Variants in CAMTA2 observed in about 807,000 individuals in gnomAD.
CAMTA2 encodes the protein calmodulin-binding transcription activator 2.
Under a neutral mutation model 135.7 loss-of-function variants are expected in CAMTA2, and 56 were observed. The observed-to-expected ratio is 0.41, with a 90% CI of 0.33 to 0.52. The LOEUF (loss-of-function observed/expected upper bound fraction) is 0.52. Among genes scored for constraint, CAMTA2 ranks in the 20% least tolerant of loss-of-function variants. The probability of loss-of-function intolerance (pLI) is 0.16; values close to 1 mark genes in which losing one functional copy is unlikely to be tolerated. For missense variants in CAMTA2, 1,358 were observed against 1,553.4 expected, an observed-to-expected ratio of 0.87 and a Z score of 2.11; for synonymous variants, 591 against 604.6, an observed-to-expected ratio of 0.98 and a Z score of 0.33.
intron 4 of CAMTA2, 25 bp downstream of exon 4, chr17:4,982,951 C>A: frequency 6.2e-7 from 1 of 1,614,062 alleles, no homozygotes; most frequent in East Asian, 2.2e-5. Context: ...CCCTGCCACT[C>A]CCCCATGTTC....
intron 17 of CAMTA2, 98 bp from the exon 18 acceptor site, chr17:4,970,183 TGGA>T (rs756186899): frequency 7.0e-6 from 10 of 1,424,448 alleles, no homozygotes; most frequent in Non-Finnish European, 9.8e-6. Context: ...CAACTGAGTC[TGGA>T]GAGTGACTTC....
rs1972925289 is a variant in CAMTA2 at position 4,980,997 on chromosome 17, G to A, written c.700+228C>T. 6.6e-6 allele frequency among the ~76,000 whole-genome samples: 1 copy of A among 152,212 alleles called. No homozygotes were observed. Among genetic ancestry groups the A allele is most frequent in the Non-Finnish European group, 1.5e-5 (1 of 68,046 alleles). On this transcript the variant is annotated intron_variant, in intron 8 of 22. Coordinates refer to ENST00000348066, the MANE Select transcript of CAMTA2 (RefSeq NM_015099.4). This position sits in a 1 kb window ranked among gnomAD's most constrained non-coding sequence, Gnocchi z 5.3. ...TGCTGAGGGGACAGGAATTGCTGAA[G>A]GTAGAAGACAGGAAGGGCAGAGGCT... is the stretch of plus-strand genomic sequence containing the variant.
Position 4,968,381 on chromosome 17 carries a change from T to C in CAMTA2, c.*375A>G. 2.8e-6 allele frequency: 1 copy of C among 356,732 alleles called. No homozygotes were observed. Among genetic ancestry groups the C allele is most frequent in the South Asian group, 3.2e-5 (1 of 30,928 alleles). The allele number at this position is 356,732 out of a possible 1,614,324, so 22.1% of individuals were successfully genotyped here. On this transcript the variant is annotated 3_prime_UTR_variant, in exon 23 of 23. Coordinates refer to ENST00000348066, the MANE Select transcript of CAMTA2 (RefSeq NM_015099.4). The stretch of plus-strand genomic sequence containing the variant: ...GGGGCGTGCGCAGCGAAGGCAGTGG[T>C]GGGAACCGAGGCGGATACATTCAGA...
intron 16 of CAMTA2, 61 bp downstream of exon 16, chr17:4,972,171 G>T: frequency 7.2e-7 from 1 of 1,386,706 alleles, no homozygotes; most frequent in Non-Finnish European, 1.0e-6. Flanking sequence ...CTTCATGGAA[G>T]TCGGCCTCAC....
In CAMTA2 at chr17:4,968,547, C is replaced by T; in HGVS notation, c.*209G>A. The T allele has an allele frequency of 1.7e-6, 1 of 605,508 alleles. No homozygotes were observed. The highest frequency in any genetic ancestry group is 2.9e-6 in the Non-Finnish European group (1 of 341,018). The allele number at this position is 605,508 out of a possible 1,614,324, so 37.5% of individuals were successfully genotyped here. A position where few individuals can be genotyped will look rare whatever the true frequency, so the allele number is the denominator to read the frequency against. On this transcript the variant is annotated 3_prime_UTR_variant, in exon 23 of 23. Transcript: ENST00000348066. ...TATGTGGGGCGCGGGTTTTCTGGAG[C>T]CAGGACCAAAAGAGACGGGGCACGA...
At chr17:4,974,018 G>A (rs1337139357) in intron 12 of CAMTA2, 6 of 550,894 alleles carry the variant, frequency 1.1e-5, no homozygotes, top group Admixed American at 6.8e-5. Flanking sequence ...TTAGTGCCAT[G>A]TTCACACATG....
In CAMTA2 at chr17:4,968,739, G is replaced by C; in HGVS notation, c.*17C>G. The C allele has an allele frequency of 6.2e-7, 1 of 1,613,928 alleles. No homozygotes were observed. The highest frequency in any genetic ancestry group is 8.5e-7 in the Non-Finnish European group (1 of 1,180,000). On this transcript the variant is annotated 3_prime_UTR_variant, in exon 23 of 23. Coordinates refer to ENST00000348066, the MANE Select transcript of CAMTA2 (RefSeq NM_015099.4). ...GCACGAGGCGCCCCCAGGGTGGTGA[G>C]AAAGGCGGTGGCCAGGTCATGTGGC...
chr17:4,982,602 A>G (rs1307134858), intron 5 of CAMTA2, among the ~76,000 whole-genome samples, 155 bp downstream of exon 5: 1 of 152,220 alleles, frequency 6.6e-6, no homozygotes, highest in East Asian at 1.9e-4. Context: ...GAGTGGCCAA[A>G]GCAATGTCAG....
At chr17:4,987,314 G>A in intron 1 of CAMTA2, 3 of 1,345,302 alleles carry the variant, frequency 2.2e-6, no homozygotes, top group Non-Finnish European at 1.9e-6. Context: ...ATGTTCTGGA[G>A]AAGCCGGGAG....
In CAMTA2 at chr17:4,969,961, C is replaced by T. The variant is rs1256993595; in HGVS notation, c.3130G>A (p.Glu1044Lys). 3.7e-6 allele frequency: 6 copies of T among 1,614,092 alleles called. No individual in the cohort carries two copies. In the Middle Eastern group the frequency reaches 6.6e-4, roughly 178 times the overall value. ...GCAGCCTCATACAGTTCCCGCTGCT[C>T]GTGATCTGATAGTGTCAGCAGGGCA... is the stretch of plus-strand genomic sequence containing the variant. Reference protein sequence around the residue: ...DFALLTLSDHEQRELYEAARV... With the variant: ...DFALLTLSDHKQRELYEAARV... Residue 1044 changes from glutamate to lysine, a missense_variant, in exon 18 of 23, where the codon GAG becomes AAG. Physicochemically the swap from Glu to Lys is moderately conservative, Grantham distance 56 (BLOSUM62 1). Transcript: ENST00000348066. The surrounding 1 kb of genome is among the most constrained non-coding windows in gnomAD (Gnocchi z 5.6).
At chr17:4,978,472 G>A (rs1972754024) in intron 10 of CAMTA2, 32 bp downstream of exon 10, 13 of 1,609,750 alleles carry the variant, frequency 8.1e-6, no homozygotes, top group African/African-American at 1.3e-5. Context: ...CCACATGTCA[G>A]TCCCTCCCCC....
At chr17:4,985,265 A>T (rs1425946665) in intron 3 of CAMTA2, among the ~76,000 whole-genome samples, 1 of 152,262 alleles carries the variant, frequency 6.6e-6, no homozygotes, top group Non-Finnish European at 1.5e-5. Flanking sequence ...GAGCAATAAC[A>T]GGGCTTGCTC....
In CAMTA2 at chr17:4,982,771, C is replaced by A; in HGVS notation, c.325G>T (p.Val109Phe). The A allele has an allele frequency of 6.2e-7, 1 of 1,614,042 alleles. No individual in the cohort carries two copies. Among genetic ancestry groups the A allele is most frequent in the Non-Finnish European group, 8.5e-7 (1 of 1,179,930 alleles). Residue 109 changes from valine (V) to phenylalanine (F), a missense_variant, in exon 5 of 23, where the codon GTC (valine) becomes TTC (phenylalanine). Physicochemically the swap from Val to Phe is conservative, Grantham distance 50. This residue lies in a region of CAMTA2 where 105 missense variants were observed against 190.9 expected (regional missense o/e 0.55). Coordinates refer to ENST00000348066, the MANE Select transcript of CAMTA2 (RefSeq NM_015099.4). The stretch of plus-strand genomic sequence containing the variant: ...GACTCTCTTACCTCCATGCCCTGGA[C>A]CTTCAGCTTCATGTGGTCCTCTCGG... ...TTREDHMKLK[V>F]QGMECLYGCY...
chr17:4,985,920 G>C lies in CAMTA2; in HGVS notation c.95C>G (p.Pro32Arg), dbSNP rs147120771. 3.1e-6 allele frequency: 5 copies of C among 1,613,964 alleles called. No individual in the cohort carries two copies. Among genetic ancestry groups the C allele is most frequent in the Non-Finnish European group, 4.2e-6 (5 of 1,179,882 alleles). Residue 32 changes from proline (P) to arginine (R), a missense_variant, in exon 3 of 23, where the codon CCG becomes CGG. This residue lies in a region of CAMTA2 where 105 missense variants were observed against 190.9 expected (regional missense o/e 0.55). Coordinates refer to ENST00000348066, the MANE Select transcript of CAMTA2 (RefSeq NM_015099.4). Reference sequence around the variant, plus strand: ...CCGTAGCCTCTCTGGAGGCAGCAGCGGGCAGCGAGGAAGACACTCCAGCAG... The same window carrying C: ...CCGTAGCCTCTCTGGAGGCAGCAGCCGGCAGCGAGGAAGACACTCCAGCAG... ...KKLLECLPRC[P>R]LLPPERLRWN... is the part of the protein sequence containing the mutation.
chr17:4,981,948 C>T (rs1972986232), intron 6 of CAMTA2, 117 bp from the exon 7 acceptor site: 5 of 1,296,830 alleles, frequency 3.9e-6, no homozygotes, highest in Admixed American at 2.0e-5. Flanking sequence ...TTCTGACTCT[C>T]TCCATCCCCA....
Position 4,969,581 on chromosome 17 carries a change from T to TGTGGGTTG in CAMTA2, c.3261+41_3261+48dup, listed in dbSNP as rs769088096. ...ACATTCTGGAATGGTTAGGCGTGGG[T>TGTGGGTTG]GTGGGTTGGTGGGTTGCTGGTTACA... On this transcript the variant is annotated intron_variant, in intron 19 of 22. Transcript: ENST00000348066. The surrounding 1 kb of genome is among the most constrained non-coding windows in gnomAD (Gnocchi z 5.6). 183 of 1,613,528 alleles carry TGTGGGTTG rather than the reference T, an allele frequency of 1.1e-4. No individual in the cohort carries two copies. The highest frequency in any genetic ancestry group is 1.5e-4 in the Non-Finnish European group (178 of 1,179,614).
chr17:4,969,331 G>C lies in CAMTA2; in HGVS notation c.3289C>G (p.Leu1097Val), dbSNP rs1972111632. 1 of 1,613,954 alleles carries C rather than the reference G, an allele frequency of 6.2e-7. No individual in the cohort carries two copies. Among genetic ancestry groups the C allele is most frequent in the Admixed American group, 1.7e-5 (1 of 60,000 alleles). The part of the protein sequence containing the change: ...QLTWIALKFA[L>V]YKKMTQAAIL... ...GCCGCCTGGGTCATCTTCTTATAGA[G>C]TGCAAACTGCAGGGGTGGGGAGGAG... The change falls in exon 21 of 23, where the codon CTC becomes GTC. Residue 1097 changes from leucine to valine, a missense_variant. Physicochemically the swap from Leu to Val is conservative, Grantham distance 32 (BLOSUM62 1). Transcript: ENST00000348066. The surrounding 1 kb of genome is among the most constrained non-coding windows in gnomAD (Gnocchi z 5.6).
Position 4,987,651 on chromosome 17 carries a change from C to G in CAMTA2, c.-123G>C, listed in dbSNP as rs945560434. On this transcript the variant is annotated 5_prime_UTR_variant, in exon 1 of 23. Coordinates refer to ENST00000348066, the MANE Select transcript of CAMTA2 (RefSeq NM_015099.4). ...CCATTCTACCCCACACCGACCCCCC[C>G]CAGCGCCGGCTGACAGCGGCGTCTA... 11 of 1,521,712 alleles carry G rather than the reference C, an allele frequency of 7.2e-6. No individual in the cohort carries two copies. Among genetic ancestry groups the G allele is most frequent in the East Asian group, 5.1e-5 (2 of 39,060 alleles). The allele number at this position is 1,521,712 out of a possible 1,614,324, so 94.3% of individuals were successfully genotyped here.
rs1972498708 is a variant in CAMTA2, at chr17:4,974,494, T to C, written c.1907A>G (p.Gln636Arg). ...TCGCTCTAGTATGGACATCCGGAACTGGTTGTCTGAGGGGGAACGGGTATG... is the reference window on the plus strand; with the variant it reads ...TCGCTCTAGTATGGACATCCGGAACCGGTTGTCTGAGGGGGAACGGGTATG... ...QLDWLSLDDN[Q>R]FRMSILERLE... Residue 636 changes from glutamine to arginine, a missense_variant, in exon 12 of 23, where the codon CAG (glutamine) becomes CGG (arginine). Physicochemically the swap from Gln to Arg is conservative, Grantham distance 43. Transcript: ENST00000348066. The C allele has an allele frequency of 1.2e-6, 2 of 1,610,456 alleles. No homozygotes were observed. The highest frequency in any genetic ancestry group is 2.2e-5 in the South Asian group (2 of 91,016).
Sources: allele counts gnomAD v4.1 joint callset (sites outside exome capture counted in the v4.1 genomes callset), GRCh38; gene constraint gnomAD v4.1.1; regional missense constraint gnomAD v4.1.1; non-coding constraint Gnocchi (gnomAD v3.1); transcripts MANE v1.5; gene names NCBI Gene and HGNC (gene_info 2026-07-23, HGNC 2026-07-21).